Variants in OPRM1 observed in about 807,000 individuals in gnomAD.
OPRM1 encodes opioid receptor mu 1.
In OPRM1, 27 loss-of-function variants were observed where a neutral mutation model predicts 31.8. The ratio of observed to expected loss-of-function variants is 0.85; its 90% CI spans 0.63 to 1.17. The LOEUF (loss-of-function observed/expected upper bound fraction) is 1.17. Ranked by LOEUF, OPRM1 falls within the 50% of genes most tolerant of loss-of-function variation. The probability of loss-of-function intolerance (pLI) is 0.00; values close to 1 mark genes in which losing one functional copy is unlikely to be tolerated. For missense variants in OPRM1, 536 were observed against 511.1 expected, an observed-to-expected ratio of 1.05 and a Z score of -0.47; for synonymous variants, 196 against 189.9, an observed-to-expected ratio of 1.03 and a Z score of -0.26.
Position 154,122,683 on chromosome 6 carries a change from T to C in OPRM1, c.*3962T>C, listed in dbSNP as rs1583625517. Reference sequence around the variant, plus strand: ...CTCCAGAAACAAAACCAAATGTGGATAGCTTTGTGAGCTGCAGTGTGTGGC... The same window carrying C: ...CTCCAGAAACAAAACCAAATGTGGACAGCTTTGTGAGCTGCAGTGTGTGGC... On this transcript the variant is annotated 3_prime_UTR_variant, in exon 4 of 4. Transcript: ENST00000330432. Among the ~76,000 whole-genome samples, 3 of 152,356 alleles carry C rather than the reference T, an allele frequency of 2.0e-5. No individual in the cohort carries two copies. The highest frequency in any genetic ancestry group is 3.8e-4 in the East Asian group (2 of 5,196).
At chr6:154,031,132 G>A (rs930722911) in intron 1 of OPRM1, among the ~76,000 whole-genome samples, 1 of 152,172 alleles carries the variant, frequency 6.6e-6, no homozygotes, top group East Asian at 1.9e-4. Context: ...AGCTCTGTGA[G>A]TAGTTCACAT....
intron 3 of OPRM1, among the ~76,000 whole-genome samples, chr6:154,208,375 G>A (rs1296874547): frequency 6.6e-6 from 1 of 152,164 alleles, no homozygotes; most frequent in Admixed American, 6.5e-5. Flanking sequence ...GTTTCGCTCA[G>A]ATCTCAGCTC....
upstream of OPRM1, among the ~76,000 whole-genome samples, chr6:154,037,838 T>C (rs116167377): frequency 4.1e-3 from 619 of 151,564 alleles, 5 homozygotes; most frequent in African/African-American, 0.014. Context: ...AGCTGATTTA[T>C]AAAATGATTG....
At chr6:154,209,639 G>A (rs1475776283) in intron 3 of OPRM1, among the ~76,000 whole-genome samples, 1 of 111,220 alleles carries the variant, frequency 9.0e-6, no homozygotes, top group Admixed American at 9.1e-5. Flanking sequence ...CTGAGACTGT[G>A]TCTCAAAAAA....
At chr6:154,086,829 C>T in intron 1 of OPRM1, 1 of 985,206 alleles carries the variant, frequency 1.0e-6, no homozygotes, top group Non-Finnish European at 1.2e-6. Flanking sequence ...GGTCTATAAC[C>T]AACGGTGAAT....
chr6:154,246,521 G>T, intron 3 of OPRM1: 3 of 1,483,734 alleles, frequency 2.0e-6, no homozygotes, highest in Non-Finnish European at 2.7e-6. Context: ...TTTCCCATAG[G>T]GATCACCTGA....
chr6:154,193,724 C>G (rs1302579936), intron 3 of OPRM1, among the ~76,000 whole-genome samples: 1 of 152,228 alleles, frequency 6.6e-6, no homozygotes, highest in African/African-American at 2.4e-5. Flanking sequence ...AAAACAAACA[C>G]TTCGGCCTTG....
Position 154,160,115 on chromosome 6 carries a change from C to G in OPRM1, c.1164+68643C>G, listed in dbSNP as rs1049876500. Reference sequence around the variant, plus strand: ...TTTACATAAACCATCTTTACCAACTCTTTTACAAGTACACATATACATAAA... The same window carrying G: ...TTTACATAAACCATCTTTACCAACTGTTTTACAAGTACACATATACATAAA... On this transcript the variant is annotated intron_variant, in intron 3 of 3. Coordinates refer to the OPRM1 transcript ENST00000337049. 16 of 1,132,622 alleles carry G rather than the reference C, an allele frequency of 1.4e-5. No homozygotes were observed. The East Asian group carries it at 3.8e-4, about 27-fold the overall frequency. The allele number at this position is 1,132,622 out of a possible 1,614,324, so 70.2% of individuals were successfully genotyped here. A position where few individuals can be genotyped will look rare whatever the true frequency, so the allele number is the denominator to read the frequency against.
intron 1 of OPRM1, among the ~76,000 whole-genome samples, chr6:154,045,425 A>G (rs1246443415): frequency 6.6e-6 from 1 of 152,196 alleles, no homozygotes; most frequent in Admixed American, 6.5e-5. Flanking sequence ...CTTGGGACCC[A>G]ATATATAAAA....
rs1338559033 is a variant in OPRM1, at chr6:154,039,341, G to A, written c.-204G>A. ...TCTGTGAACTACTAAGGTGGGAGGG[G>A]GCTATACGCAGAGGAGAATGTCAGA... On this transcript the variant is annotated 5_prime_UTR_variant, in exon 1 of 4. Transcript: ENST00000330432. The A allele has an allele frequency of 6.5e-7, 1 of 1,548,080 alleles. No individual in the cohort carries two copies.
chr6:154,171,999 G>A (rs535052192), intron 3 of OPRM1, among the ~76,000 whole-genome samples: 2 of 152,266 alleles, frequency 1.3e-5, no homozygotes, highest in South Asian at 4.1e-4. Flanking sequence ...GTATGACAAA[G>A]ATAAATAGAA....
chr6:154,105,693 T>C (rs1229162376), intron 3 of OPRM1, among the ~76,000 whole-genome samples: 3 of 152,164 alleles, frequency 2.0e-5, no homozygotes, highest in Admixed American at 6.5e-5. Flanking sequence ...ATACACTAAG[T>C]CATATTAGAA....
intron 3 of OPRM1, among the ~76,000 whole-genome samples, chr6:154,176,071 C>T (rs572447267): frequency 6.6e-6 from 1 of 152,264 alleles, no homozygotes; most frequent in East Asian, 1.9e-4. Context: ...ATGATAAAAA[C>T]CACATGATTA....
intron 3 of OPRM1, among the ~76,000 whole-genome samples, chr6:154,095,107 C>A (rs7756929): frequency 0.011 from 1,656 of 152,314 alleles, 26 homozygotes; most frequent in African/African-American, 0.038. Flanking sequence ...GCCTGGTCAA[C>A]ATGGTGAAAC....
At chr6:154,140,577 G>A (rs867354551) in intron 3 of OPRM1, among the ~76,000 whole-genome samples, 2 of 152,178 alleles carry the variant, frequency 1.3e-5, no homozygotes, top group African/African-American at 2.4e-5. Flanking sequence ...TGATCCGCCC[G>A]CCTCAACCTC....
chr6:154,121,826 TAAGTC>T lies in OPRM1; in HGVS notation c.*3111_*3115del, dbSNP rs1250638309. On this transcript the variant is annotated 3_prime_UTR_variant, in exon 4 of 4. Coordinates refer to ENST00000330432, the MANE Select transcript of OPRM1 (RefSeq NM_000914.5). The stretch of plus-strand genomic sequence containing the variant: ...CCCCAAAGCATTCAAAATCTTTACT[TAAGTC>T]AAGTCTATTTATACGTTTAAAAGCT... Among the ~76,000 whole-genome samples the T allele has an allele frequency of 6.6e-6, 1 of 152,204 alleles. No homozygotes were observed. Among genetic ancestry groups the T allele is most frequent in the Non-Finnish European group, 1.5e-5 (1 of 68,034 alleles).
chr6:154,039,858 A>C, intron 1 of OPRM1, 24 bp downstream of exon 1: 1 of 1,553,312 alleles, frequency 6.4e-7, no homozygotes, highest in Non-Finnish European at 8.7e-7. Flanking sequence ...CAGGGCTCCG[A>C]GCGGAGGGTT....
intron 3 of OPRM1, among the ~76,000 whole-genome samples, chr6:154,198,816 C>A (rs1371860999): frequency 6.6e-6 from 1 of 152,156 alleles, no homozygotes; most frequent in African/African-American, 2.4e-5. Flanking sequence ...ATTAGACACT[C>A]TGGCAAGTGA....
At chr6:154,066,526 A>C (rs571773171) in intron 1 of OPRM1, among the ~76,000 whole-genome samples, 81 of 145,654 alleles carry the variant, frequency 5.6e-4, no homozygotes, top group African/African-American at 1.6e-3. Flanking sequence ...CATCCCCCCC[A>C]AAAAAAATCA....
Sources: allele counts gnomAD v4.1 joint callset (sites outside exome capture counted in the v4.1 genomes callset), GRCh38; gene constraint gnomAD v4.1.1; transcripts MANE v1.5; gene names NCBI Gene and HGNC (gene_info 2026-07-23, HGNC 2026-07-21).